Variants in ITGB1 observed in about 807,000 individuals in gnomAD.
ITGB1 encodes the protein integrin subunit beta 1, also known as integrin beta-1.
Under a neutral mutation model 86.5 loss-of-function variants are expected in ITGB1, and 24 were observed. The observed-to-expected ratio is 0.28, with a 90% CI of 0.20 to 0.39. ITGB1 has a LOEUF of 0.39. Among genes scored for constraint, ITGB1 ranks in the 10% least tolerant of loss-of-function variants. ITGB1 has a pLI of 1.00. For missense variants in ITGB1, 556 were observed against 946.9 expected, an observed-to-expected ratio of 0.59 and a Z score of 5.42; for synonymous variants, 323 against 316.8, an observed-to-expected ratio of 1.02 and a Z score of -0.21.
At position 32,923,630 on chromosome 10, in the gene ITGB1, T is replaced by C. The variant is rs1459388284; in HGVS notation, c.897A>G (p.Gly299=). Residue 299 remains glycine (G), a synonymous_variant, in exon 7 of 16, where the codon GGA becomes GGG. Coordinates refer to ENST00000302278, the MANE Select transcript of ITGB1 (RefSeq NM_002211.4). ...KLGGIVLPND[G]QCHLENNMYT... is the part of the protein sequence containing the mutation. ...ACATATTATTTTCCAGGTGACATTG[T>C]CCATCATTTGGTAAAACAATGCCAC... 5 of 1,613,954 alleles carry C rather than the reference T, an allele frequency of 3.1e-6. No homozygotes were observed. The highest frequency in any genetic ancestry group is 2.2e-5 in the South Asian group (2 of 91,058).
intron 15 of ITGB1, among the ~76,000 whole-genome samples, chr10:32,903,498 A>G (rs1445281066): frequency 6.6e-6 from 1 of 152,176 alleles, no homozygotes; most frequent in Non-Finnish European, 1.5e-5. Flanking sequence ...AATGAGGGAA[A>G]AACATTAACA....
At chr10:32,937,231 T>G (rs1565830152) in intron 1 of ITGB1, among the ~76,000 whole-genome samples, 1 of 152,202 alleles carries the variant, frequency 6.6e-6, no homozygotes, top group Non-Finnish European at 1.5e-5. Context: ...TAGGGACTTA[T>G]TAGTCATTGC....
At chr10:32,927,854 T>C (rs1168385128) in intron 5 of ITGB1, among the ~76,000 whole-genome samples, 1 of 151,990 alleles carries the variant, frequency 6.6e-6, no homozygotes, top group Non-Finnish European at 1.5e-5. Flanking sequence ...AGCATGCAAG[T>C]CATTATCTAT....
chr10:32,940,307 T>C (rs1197882638), intron 1 of ITGB1, among the ~76,000 whole-genome samples: 1 of 148,332 alleles, frequency 6.7e-6, no homozygotes, highest in African/African-American at 2.5e-5. Flanking sequence ...ATTGCGCCAC[T>C]GCACTCCAGC....
chr10:32,916,545 T>A (rs1334441455), intron 11 of ITGB1, among the ~76,000 whole-genome samples: 1 of 152,006 alleles, frequency 6.6e-6, no homozygotes. Flanking sequence ...TGTACACCAA[T>A]AACAGACAAA....
At chr10:32,939,971 C>T (rs2095014404) in intron 1 of ITGB1, among the ~76,000 whole-genome samples, 1 of 152,190 alleles carries the variant, frequency 6.6e-6, no homozygotes, top group Non-Finnish European at 1.5e-5. Flanking sequence ...CCTAAAAGAT[C>T]TCCTTCTTCG....
intron 1 of ITGB1, among the ~76,000 whole-genome samples, chr10:32,943,506 G>A (rs1165880132): frequency 6.6e-6 from 1 of 151,980 alleles, no homozygotes; most frequent in Non-Finnish European, 1.5e-5. Context: ...CAAAGAAGGT[G>A]CAGTGCTACC....
Position 32,925,967 on chromosome 10 carries a change from T to C in ITGB1, c.690A>G (p.Glu230=), listed in dbSNP as rs1232146654. 10 of 1,614,088 alleles carry C rather than the reference T, an allele frequency of 6.2e-6. No individual in the cohort carries two copies. The South Asian group carries it at 1.1e-4, about 18-fold the overall frequency. ...GTTTTCCAACAAGTTCATTAAATAC[T>C]TCTCCTTTATTAGTAAGACTGAGCA... ...KNVLSLTNKG[E]VFNELVGKQR... The change falls in exon 6 of 16, where the codon GAA becomes GAG. Residue 230 remains glutamate (E), a synonymous_variant. Coordinates refer to ENST00000302278, the MANE Select transcript of ITGB1 (RefSeq NM_002211.4).
intron 1 of ITGB1, chr10:32,953,657 A>G (rs1055736055): frequency 6.6e-6 from 1 of 152,180 alleles, no homozygotes; most frequent in East Asian, 1.9e-4. Flanking sequence ...AGGCTGCTTT[A>G]TAGGGTAGAT....
intron 1 of ITGB1, among the ~76,000 whole-genome samples, chr10:32,954,797 C>A (rs2095049209): frequency 6.6e-6 from 1 of 152,184 alleles, no homozygotes; most frequent in Admixed American, 6.5e-5. Context: ...CATGCACACA[C>A]ACGTTTCATG....
intron 9 of ITGB1, 133 bp downstream of exon 9, chr10:32,922,124 A>G: frequency 1.9e-6 from 1 of 536,182 alleles, no homozygotes; most frequent in Non-Finnish European, 3.2e-6. Flanking sequence ...TCCTCTAGAT[A>G]CATACAGAAT....
In ITGB1 at chr10:32,912,223, C is replaced by T. The variant is rs561770541; in HGVS notation, c.1470-99G>A. ...AACAGCTCTAGTCTACAGCTCCCAG[C>T]GTGAGCGACACAGAAGACAGGTGGT... On this transcript the variant is annotated intron_variant, in intron 11 of 15. Coordinates refer to ENST00000302278, the MANE Select transcript of ITGB1 (RefSeq NM_002211.4). 47 of 899,966 alleles carry T rather than the reference C, an allele frequency of 5.2e-5. 1 individual carries two copies. The Middle Eastern group carries it at 1.6e-3, about 31-fold the overall frequency. The allele number at this position is 899,966 out of a possible 1,614,324, so 55.7% of individuals were successfully genotyped here.
chr10:32,910,515 T>G, intron 13 of ITGB1, 60 bp from the exon 14 acceptor site: 1 of 1,182,178 alleles, frequency 8.5e-7, no homozygotes. Context: ...AATATTTGCT[T>G]AAACATATTT....
At chr10:32,922,931 T>C (rs541238555) in intron 7 of ITGB1, among the ~76,000 whole-genome samples, 196 bp from the exon 8 acceptor site, 1 of 152,278 alleles carries the variant, frequency 6.6e-6, no homozygotes, top group Admixed American at 6.5e-5. Flanking sequence ...CAAGACTGCT[T>C]TCAAATAACA....
intron 1 of ITGB1, among the ~76,000 whole-genome samples, chr10:32,943,490 G>C (rs1337713982): frequency 1.3e-5 from 2 of 151,446 alleles, no homozygotes; most frequent in African/African-American, 2.4e-5. Context: ...AGGTGGGGGT[G>C]GGGGGCAAAG....
Position 32,901,086 on chromosome 10 carries a change from C to CT in ITGB1, c.*483dup, listed in dbSNP as rs1416786593. 2 of 135,264 alleles carry CT rather than the reference C, an allele frequency of 1.5e-5. No individual in the cohort carries two copies. The highest frequency in any genetic ancestry group is 3.2e-5 in the Non-Finnish European group (2 of 62,288). 8.4% of individuals were successfully genotyped at this position (135,264 alleles called of 1,614,324 possible). ...CTTTCAGATATGTCATCAGTCATGT[C>CT]TAACAGGCAAATAGCAAAATAACAG... On this transcript the variant is annotated 3_prime_UTR_variant, in exon 16 of 16. Coordinates refer to ENST00000302278, the MANE Select transcript of ITGB1 (RefSeq NM_002211.4).
At chr10:32,938,138 C>T (rs1229821925) in intron 1 of ITGB1, among the ~76,000 whole-genome samples, 1 of 152,160 alleles carries the variant, frequency 6.6e-6, no homozygotes, top group Admixed American at 6.5e-5. Context: ...GTGTGAAATG[C>T]CTACCAAATT....
intron 5 of ITGB1, among the ~76,000 whole-genome samples, chr10:32,927,174 A>AC (rs2094967645): frequency 6.6e-6 from 1 of 152,186 alleles, no homozygotes; most frequent in Non-Finnish European, 1.5e-5. Context: ...ATGCTTACAG[A>AC]ATAAAAGAAC....
chr10:32,910,136 G>T, intron 14 of ITGB1, 87 bp downstream of exon 14: 1 of 919,578 alleles, frequency 1.1e-6, no homozygotes. Context: ...ATTCCAGCTG[G>T]AGGCTGTTTC....
Sources: gnomAD v4.1 joint callset for allele counts (sites outside exome capture counted in the v4.1 genomes callset) on GRCh38, gnomAD v4.1.1 for gene constraint, MANE v1.5 for transcripts, NCBI Gene and HGNC (gene_info 2026-07-23, HGNC 2026-07-21) for gene names.